ZNF140: variants seen among roughly 807,000 people sequenced by gnomAD.
ZNF140 encodes the protein zinc finger protein 140.
In ZNF140, 13 loss-of-function variants were observed where a neutral mutation model predicts 12.9. The ratio of observed to expected loss-of-function variants is 1.01; its 90% confidence interval spans 0.66 to 1.60. ZNF140 has a LOEUF of 1.60. Among genes scored for constraint, ZNF140 ranks in the 40% most tolerant of loss-of-function variants. The probability of loss-of-function intolerance (pLI) is 0.00; values close to 1 mark genes in which losing one functional copy is unlikely to be tolerated. For synonymous variants in ZNF140, 214 were observed against 186.7 expected (o/e 1.15, Z -1.19); for missense variants, 531 against 548.8 (o/e 0.97, Z 0.32).
At chr12:133,101,458 CT>C (rs1352506325) in intron 4 of ZNF140, among the ~76,000 whole-genome samples, 1 of 146,322 alleles carries the variant, frequency 6.8e-6, no homozygotes, top group African/African-American at 2.4e-5. Context: ...TACAGGAATT[CT>C]TTTGAGATGG....
intron 3 of ZNF140, 35 bp from the exon 4 acceptor site, chr12:133,083,431 A>G: frequency 6.3e-7 from 1 of 1,593,328 alleles, no homozygotes; most frequent in East Asian, 2.2e-5. Flanking sequence ...GGATTCAATG[A>G]CTGATCTTGA....
chr12:133,095,293 A>G lies in ZNF140; in HGVS notation c.233-10217A>G. Among the ~76,000 whole-genome samples the G allele has an allele frequency of 1.3e-5, 2 of 151,098 alleles. 1 individual carries two copies. The highest frequency in any genetic ancestry group is 4.9e-5 in the African/African-American group (2 of 40,730). ...TCTTAAGAGAATTTTAATGAAGCTG[A>G]GATAAGAGGCATATTTACTTGCAGT... On this transcript the variant is annotated intron_variant, in intron 4 of 4. Transcript: ENST00000355557.
intron 4 of ZNF140, among the ~76,000 whole-genome samples, chr12:133,088,586 G>T (rs1430294592): frequency 1.3e-5 from 2 of 152,148 alleles, no homozygotes; most frequent in Non-Finnish European, 2.9e-5. Context: ...TTTTGTATGG[G>T]CATAAGTTTT....
chr12:133,106,583 A>G lies in ZNF140; in HGVS notation c.1306A>G (p.Thr436Ala). The change falls in exon 5 of 5, where the codon ACT becomes GCT. Residue 436 changes from threonine (T) to alanine (A), a missense_variant. Coordinates refer to ENST00000355557, the MANE Select transcript of ZNF140 (RefSeq NM_003440.4). ...CCTTGCTAAACATCAGAGGACACAC[A>G]CTCTTGACAACCCCTATGAATATGA... The part of the protein sequence containing the change: ...SNLAKHQRTH[T>A]LDNPYEYENS... 3.1e-6 allele frequency: 5 copies of G among 1,613,296 alleles called. No homozygotes were observed. The highest frequency in any genetic ancestry group is 4.2e-6 in the Non-Finnish European group (5 of 1,179,862).
chr12:133,083,330 T>G lies in ZNF140; in HGVS notation c.136+101T>G, dbSNP rs1488407636. The G allele has an allele frequency of 8.6e-6, 13 of 1,506,800 alleles. No individual in the cohort carries two copies. In the African/African-American group the frequency reaches 1.8e-4, roughly 21 times the overall value. The allele number at this position is 1,506,800 out of a possible 1,614,324, so 93.3% of individuals were successfully genotyped here. On this transcript the variant is annotated intron_variant, in intron 3 of 4. Transcript: ENST00000355557. The stretch of plus-strand genomic sequence containing the variant: ...TTCCCAAGAGAGGTATGGGGTTTCT[T>G]AAAATTAGTTTTAAGATGGGGACGT...
intron 4 of ZNF140, among the ~76,000 whole-genome samples, chr12:133,104,541 C>CG (rs1198552697): frequency 6.6e-6 from 1 of 151,870 alleles, no homozygotes. Context: ...TTAGTAGAGA[C>CG]GGGGTTTCAC....
In ZNF140 at chr12:133,103,777, C is replaced by T. The variant is rs1451917959; in HGVS notation, c.233-1733C>T. ...ATATCAATATTTTCTTCTGTGTTCTCTTTCCCTATTTATATTCTCAGTTCC... is the reference window on the plus strand; with the variant it reads ...ATATCAATATTTTCTTCTGTGTTCTTTTTCCCTATTTATATTCTCAGTTCC... On this transcript the variant is annotated intron_variant, in intron 4 of 4. Coordinates refer to ENST00000355557, the MANE Select transcript of ZNF140 (RefSeq NM_003440.4). Among the ~76,000 whole-genome samples, 5 of 152,266 alleles carry T rather than the reference C, an allele frequency of 3.3e-5. No individual in the cohort carries two copies. In the East Asian group the frequency reaches 9.6e-4, roughly 29 times the overall value.
chr12:133,083,322 G>A (rs1954565281), intron 3 of ZNF140, 93 bp downstream of exon 3: 1 of 1,515,368 alleles, frequency 6.6e-7, no homozygotes, highest in East Asian at 2.3e-5. Context: ...GAGAGGTATG[G>A]GGTTTCTTAA....
intron 4 of ZNF140, among the ~76,000 whole-genome samples, chr12:133,104,053 C>T (rs1159291661): frequency 6.6e-6 from 1 of 152,168 alleles, no homozygotes; most frequent in Non-Finnish European, 1.5e-5. Flanking sequence ...AGTCTATTTA[C>T]CTTTCCTTAA....
At chr12:133,104,640 T>C (rs1040005045) in intron 4 of ZNF140, among the ~76,000 whole-genome samples, 95 of 152,290 alleles carry the variant, frequency 6.2e-4, no homozygotes, top group East Asian at 1.5e-3. Context: ...CGTGAGCCAC[T>C]GCGCCCGGCC....
chr12:133,080,789 G>A (rs902976899), upstream of ZNF140: 2 of 152,388 alleles, frequency 1.3e-5, no homozygotes, highest in Non-Finnish European at 2.9e-5. Context: ...AAGCCCTTGC[G>A]CGCAGGGCCG....
chr12:133,091,077 C>T (rs1391999840), intron 4 of ZNF140, among the ~76,000 whole-genome samples: 9 of 149,140 alleles, frequency 6.0e-5, no homozygotes, highest in Non-Finnish European at 7.5e-5. Flanking sequence ...AAGAGGCTTT[C>T]CTCTTTTACT....
At chr12:133,081,152 C>A (rs1023294204) in intron 1 of ZNF140, 80 bp downstream of exon 1, 68 of 320,422 alleles carry the variant, frequency 2.1e-4, no homozygotes, top group African/African-American at 1.5e-3. Flanking sequence ...TCTCAGGGCG[C>A]CCTGCTCTCT....
intron 4 of ZNF140, among the ~76,000 whole-genome samples, chr12:133,104,104 A>G (rs1955471309): frequency 6.6e-6 from 1 of 152,176 alleles, no homozygotes; most frequent in African/African-American, 2.4e-5. Context: ...ATTTTTCCCA[A>G]AGTGCCAACG....
At chr12:133,090,842 A>G (rs1175948931) in intron 4 of ZNF140, among the ~76,000 whole-genome samples, 3 of 129,518 alleles carry the variant, frequency 2.3e-5, no homozygotes, top group Admixed American at 7.9e-5. Flanking sequence ...GGAAGGTACT[A>G]TGCCTAGATG....
chr12:133,097,461 A>G (rs1247051126), intron 4 of ZNF140, among the ~76,000 whole-genome samples: 1 of 151,956 alleles, frequency 6.6e-6, no homozygotes, highest in Non-Finnish European at 1.5e-5. Context: ...GGCTAACATG[A>G]TGAAACCTCG....
chr12:133,102,934 T>C (rs574622337), intron 4 of ZNF140, among the ~76,000 whole-genome samples: 4 of 151,712 alleles, frequency 2.6e-5, no homozygotes, highest in Admixed American at 1.3e-4. Context: ...TATTTTTATA[T>C]CTCGAACATT....
chr12:133,083,410 G>A (rs1478970213), intron 3 of ZNF140, 56 bp from the exon 4 acceptor site: 1 of 1,564,954 alleles, frequency 6.4e-7, no homozygotes, highest in African/African-American at 1.4e-5. Context: ...TTTCCTTTGT[G>A]GCCCCTCTTA....
chr12:133,081,690 C>T, intron 2 of ZNF140: 1 of 411,694 alleles, frequency 2.4e-6, no homozygotes, highest in Middle Eastern at 3.7e-4. Context: ...ACCTGGCTGG[C>T]ATGTTTTAGG....
Sources: allele counts gnomAD v4.1 joint callset (sites outside exome capture counted in the v4.1 genomes callset), GRCh38; gene constraint gnomAD v4.1.1; transcripts MANE v1.5; gene names NCBI Gene and HGNC (gene_info 2026-07-23, HGNC 2026-07-21).